ATF6: variants seen among roughly 807,000 people sequenced by gnomAD.
The protein encoded by ATF6 is cyclic AMP-dependent transcription factor ATF-6 alpha.
Under a neutral mutation model 83.6 loss-of-function variants are expected in ATF6, and 53 were observed. That is an observed-to-expected ratio of 0.63 (90% CI 0.51 to 0.80). ATF6 has a LOEUF of 0.80. Ranked by LOEUF, ATF6 falls within the 30% of genes least tolerant of loss-of-function variation. The probability of loss-of-function intolerance (pLI) is 0.00; values close to 1 mark genes in which losing one functional copy is unlikely to be tolerated. For missense variants in ATF6, 744 were observed against 797.9 expected (o/e 0.93, Z 0.81); for synonymous variants, 288 against 285.8 (o/e 1.01, Z -0.08).
At chr1:161,851,659 T>C in intron 10 of ATF6, 63 bp from the exon 11 acceptor site, 1 of 1,145,750 alleles carries the variant, frequency 8.7e-7, no homozygotes, top group South Asian at 1.4e-5. Flanking sequence ...GATGATTTTC[T>C]TATAGCAAAC....
At chr1:161,835,974 G>A (rs983887771) in intron 9 of ATF6, among the ~76,000 whole-genome samples, 3 of 152,112 alleles carry the variant, frequency 2.0e-5, no homozygotes, top group Admixed American at 2.0e-4. Flanking sequence ...TTAATGCTGC[G>A]CCCTCACTAG....
intron 9 of ATF6, chr1:161,840,441 G>C (rs937429766): frequency 6.6e-6 from 1 of 152,158 alleles, no homozygotes; most frequent in Non-Finnish European, 1.5e-5. Flanking sequence ...TTTCTTTTAA[G>C]GATAAGAAGC....
chr1:161,928,031 C>T (rs886413675), intron 15 of ATF6, among the ~76,000 whole-genome samples: 3 of 152,078 alleles, frequency 2.0e-5, no homozygotes, highest in Non-Finnish European at 2.9e-5. Context: ...GAGTACCCAC[C>T]ATTTATGTTA....
intron 4 of ATF6, among the ~76,000 whole-genome samples, chr1:161,786,495 T>C (rs1684751177): frequency 6.6e-6 from 1 of 152,214 alleles, no homozygotes; most frequent in South Asian, 2.1e-4. Flanking sequence ...TTTTCTTTAA[T>C]TGCTTTTTTG....
chr1:161,888,464 G>C (rs1687477138), intron 14 of ATF6, among the ~76,000 whole-genome samples: 1 of 151,972 alleles, frequency 6.6e-6, no homozygotes, highest in African/African-American at 2.4e-5. Context: ...CTTGAATGTA[G>C]TAAATATGAG....
chr1:161,903,675 G>A (rs543440093), intron 14 of ATF6, among the ~76,000 whole-genome samples: 3 of 151,938 alleles, frequency 2.0e-5, no homozygotes, highest in Non-Finnish European at 4.4e-5. Flanking sequence ...TAAACAATCG[G>A]TGCAATAGGT....
At chr1:161,920,294 C>CCTTTTTTTTTTTTT (rs1688181158) in intron 15 of ATF6, among the ~76,000 whole-genome samples, 1 of 54,846 alleles carries the variant, frequency 1.8e-5, no homozygotes, top group African/African-American at 7.4e-5. Flanking sequence ...CTCTCTCTCT[C>CCTTTTTTTTTTTTT]TTTTTTTTTT....
At chr1:161,783,951 A>G (rs545942296) in intron 3 of ATF6, 39 bp from the exon 4 acceptor site, 3 of 1,331,380 alleles carry the variant, frequency 2.3e-6, no homozygotes, top group African/African-American at 1.5e-5. Context: ...ATAAGTTTTT[A>G]TTGTCCAGTG....
chr1:161,804,499 T>C (rs888899355), intron 7 of ATF6, among the ~76,000 whole-genome samples: 5 of 152,002 alleles, frequency 3.3e-5, no homozygotes, highest in African/African-American at 1.2e-4. Context: ...GGATGGAAAG[T>C]AGACCTGGGA....
At chr1:161,773,153 T>TTTTTTTTTTTTGA (rs1557952382) in intron 1 of ATF6, among the ~76,000 whole-genome samples, 1 of 150,806 alleles carries the variant, frequency 6.6e-6, no homozygotes, top group African/African-American at 2.4e-5. Flanking sequence ...TTTTTTTTTT[T>TTTTTTTTTTTTGA]GAGACGGAGT....
At chr1:161,873,698 G>T (rs1687159609) in intron 14 of ATF6, among the ~76,000 whole-genome samples, 1 of 151,430 alleles carries the variant, frequency 6.6e-6, no homozygotes, top group African/African-American at 2.4e-5. Flanking sequence ...TCATAATATG[G>T]GCATCACACT....
intron 9 of ATF6, 112 bp from the exon 10 acceptor site, chr1:161,846,337 G>T: frequency 8.3e-7 from 1 of 1,208,878 alleles, no homozygotes; most frequent in Non-Finnish European, 1.1e-6. Context: ...TAGCATTTTT[G>T]TTACGTGCAT....
intron 9 of ATF6, among the ~76,000 whole-genome samples, chr1:161,843,677 C>T: frequency 6.6e-6 from 1 of 152,030 alleles, no homozygotes; most frequent in East Asian, 1.9e-4. Flanking sequence ...CTTAGAAGAG[C>T]ATTTAACATT....
At chr1:161,913,451 C>T (rs754484225) in intron 15 of ATF6, among the ~76,000 whole-genome samples, 7 of 152,096 alleles carry the variant, frequency 4.6e-5, no homozygotes, top group Non-Finnish European at 8.8e-5. Context: ...CCATAGAGGA[C>T]CTTAGAATTT....
Position 161,962,197 on chromosome 1 carries a change from T to C in ATF6, c.*3543T>C, listed in dbSNP as rs963498042. On this transcript the variant is annotated 3_prime_UTR_variant, in exon 16 of 16. Transcript: ENST00000367942. ...TTTGCCATTTCTTGCCAGTAAGAAG[T>C]TGACACGGAGGTATTTGAAAGCAAT... The C allele has an allele frequency of 1.3e-5, 2 of 152,164 alleles. No individual in the cohort carries two copies. Among genetic ancestry groups the C allele is most frequent in the Non-Finnish European group, 2.9e-5 (2 of 68,032 alleles). The allele number at this position is 152,164 out of a possible 1,614,324, so 9.4% of individuals were successfully genotyped here.
rs555449813 is a variant in ATF6, at chr1:161,783,778, C to T, written c.248-212C>T. On this transcript the variant is annotated intron_variant, in intron 3 of 15. Coordinates refer to ENST00000367942, the MANE Select transcript of ATF6 (RefSeq NM_007348.4). Reference sequence around the variant, plus strand: ...CACACACACAGACATACATATATACCCCCTCCCCACATATATATATAATTT... The same window carrying T: ...CACACACACAGACATACATATATACTCCCTCCCCACATATATATATAATTT... Among the ~76,000 whole-genome samples the T allele has an allele frequency of 4.6e-5, 7 of 150,742 alleles. No homozygotes were observed. The South Asian group carries it at 1.3e-3, about 27-fold the overall frequency.
intron 9 of ATF6, among the ~76,000 whole-genome samples, chr1:161,841,006 T>G (rs1300582527): frequency 6.6e-6 from 1 of 152,212 alleles, no homozygotes; most frequent in African/African-American, 2.4e-5. Context: ...GCGCATTCAT[T>G]ATACTAATCC....
rs1034362890 is a variant in ATF6 at position 161,837,510 on chromosome 1, C to T, written c.1188-8939C>T. ...CATGGCCTCTGAGGAGCCAGAAGTA[C>T]GGAATGTACAGACGATCTATGTACC... On this transcript the variant is annotated intron_variant, in intron 9 of 15. Transcript: ENST00000367942. Among the ~76,000 whole-genome samples the T allele has an allele frequency of 3.9e-5, 6 of 152,150 alleles. No homozygotes were observed. The East Asian group carries it at 7.7e-4, about 19-fold the overall frequency.
chr1:161,844,979 C>T (rs561345629), intron 9 of ATF6, among the ~76,000 whole-genome samples: 35 of 152,234 alleles, frequency 2.3e-4, no homozygotes, highest in African/African-American at 6.5e-4. Context: ...CAAAATATAG[C>T]CTCAGTTGTA....
Sources: gnomAD v4.1 joint callset for allele counts (sites outside exome capture counted in the v4.1 genomes callset) on GRCh38, gnomAD v4.1.1 for gene constraint, MANE v1.5 for transcripts, NCBI Gene and HGNC (gene_info 2026-07-23, HGNC 2026-07-21) for gene names.